The following PRKCB variants were observed in gnomAD, a reference collection of about 807,000 sequenced individuals.
PRKCB encodes the protein protein kinase C beta.
In PRKCB, 13 loss-of-function variants were observed where a neutral mutation model predicts 81.5. The observed-to-expected ratio is 0.16, with a 90% CI of 0.10 to 0.25. PRKCB has a LOEUF of 0.25. Among genes scored for constraint, PRKCB ranks in the 10% least tolerant of loss-of-function variants. PRKCB has a pLI of 1.00. For missense variants in PRKCB, 509 were observed against 875.7 expected (o/e 0.58, Z 5.29); for synonymous variants, 335 against 321.4 (o/e 1.04, Z -0.45).
At chr16:23,980,485 C>A (rs1043564501) in intron 2 of PRKCB, among the ~76,000 whole-genome samples, 1 of 152,212 alleles carries the variant, frequency 6.6e-6, no homozygotes, top group Non-Finnish European at 1.5e-5. Flanking sequence ...TGCACAACAA[C>A]CTTATATACA....
At chr16:24,135,279 C>T (rs1966860998) in intron 9 of PRKCB, among the ~76,000 whole-genome samples, 1 of 149,484 alleles carries the variant, frequency 6.7e-6, no homozygotes, top group Admixed American at 6.7e-5. Context: ...AGAGAGCATT[C>T]CAGAGTTCCA....
rs1261888877 is a variant in PRKCB at position 24,109,542 on chromosome 16, A to G, written c.822-3431A>G. 9.2e-4 allele frequency among the ~76,000 whole-genome samples: 105 copies of G among 114,410 alleles called. 3 individuals are homozygous for G. The highest frequency in any genetic ancestry group is 1.6e-3 in the Non-Finnish European group (94 of 58,398). The allele number at this position is 114,410 out of a possible 152,430, so 75.1% of individuals were successfully genotyped here. ...GGCAGAGACGCTCCTCACTTCCTAGATGTGATGGCCGCCCGGCAGAGGTGC... is the reference window on the plus strand; with the variant it reads ...GGCAGAGACGCTCCTCACTTCCTAGGTGTGATGGCCGCCCGGCAGAGGTGC... On this transcript the variant is annotated intron_variant, in intron 7 of 16. Transcript: ENST00000643927.
At chr16:24,103,446 A>G (rs982150433) in intron 7 of PRKCB, among the ~76,000 whole-genome samples, 2 of 151,950 alleles carry the variant, frequency 1.3e-5, no homozygotes, top group African/African-American at 2.4e-5. Flanking sequence ...CCTTTCTTTC[A>G]GCATAGCTTA....
At chr16:23,943,065 G>T (rs1964157834) in intron 2 of PRKCB, among the ~76,000 whole-genome samples, 1 of 152,210 alleles carries the variant, frequency 6.6e-6, no homozygotes, top group South Asian at 2.1e-4. Context: ...AGAAACAAGA[G>T]GCAATGCCAT....
chr16:24,189,159 C>A (rs1037941558), intron 15 of PRKCB, among the ~76,000 whole-genome samples: 1 of 152,158 alleles, frequency 6.6e-6, no homozygotes, highest in Non-Finnish European at 1.5e-5. Flanking sequence ...CTTAAAAGCC[C>A]AAGTTTTAGA....
At chr16:23,948,396 C>T (rs995330598) in intron 2 of PRKCB, among the ~76,000 whole-genome samples, 1 of 152,008 alleles carries the variant, frequency 6.6e-6, no homozygotes, top group African/African-American at 2.4e-5. Context: ...TGTGTGTTAT[C>T]TCATTGAATT....
At chr16:24,185,375 A>G (rs1967687414) in intron 14 of PRKCB, 85 bp from the exon 15 acceptor site, 1 of 1,333,372 alleles carries the variant, frequency 7.5e-7, no homozygotes, top group Non-Finnish European at 1.1e-6. Context: ...TGTGGGCCCC[A>G]GGGAGGAGGG....
chr16:24,068,995 G>A (rs1466064315), intron 5 of PRKCB, among the ~76,000 whole-genome samples: 1 of 152,180 alleles, frequency 6.6e-6, no homozygotes, highest in Non-Finnish European at 1.5e-5. Flanking sequence ...TTTACCATAT[G>A]CCAGACATTC....
intron 7 of PRKCB, among the ~76,000 whole-genome samples, chr16:24,100,164 T>C (rs1371644251): frequency 1.3e-5 from 2 of 152,152 alleles, no homozygotes; most frequent in East Asian, 1.9e-4. Flanking sequence ...CATTGTTGTA[T>C]ATAAACTCCC....
chr16:24,220,385 C>T lies in PRKCB; in HGVS notation c.*5569C>T. On this transcript the variant is annotated 3_prime_UTR_variant, in exon 17 of 17. Coordinates refer to ENST00000643927, the MANE Select transcript of PRKCB (RefSeq NM_002738.7). The stretch of plus-strand genomic sequence containing the variant: ...AAATGAACAGACAATGTCAAAACTA[C>T]TGTGTCTGATACCAAAATGCTTCAG... 1 of 288,102 alleles carries T rather than the reference C, an allele frequency of 3.5e-6. No individual in the cohort carries two copies. The highest frequency in any genetic ancestry group is 6.4e-6 in the Non-Finnish European group (1 of 155,324). 17.8% of individuals were successfully genotyped at this position (288,102 alleles called of 1,614,324 possible).
intron 3 of PRKCB, among the ~76,000 whole-genome samples, chr16:24,021,075 C>CCTTTCTTTCTTTCTTTCTTTCTTTT (rs1567346868): frequency 1.6e-5 from 2 of 121,988 alleles, no homozygotes; most frequent in Admixed American, 8.2e-5. Flanking sequence ...TCCCTCCCTT[C>CCTTTCTTTCTTTCTTTCTTTCTTTT]TTTCTTTCTT....
chr16:24,138,845 C>CTTTTTTTTTT (rs991952336), intron 9 of PRKCB, among the ~76,000 whole-genome samples: 7 of 78,846 alleles, frequency 8.9e-5, no homozygotes, highest in Non-Finnish European at 9.0e-5. Flanking sequence ...CAGTATTTGT[C>CTTTTTTTTTT]TTTTTTTTTT....
chr16:24,210,057 A>C (rs1006450330), intron 16 of PRKCB, among the ~76,000 whole-genome samples: 6 of 152,178 alleles, frequency 3.9e-5, no homozygotes, highest in Admixed American at 2.6e-4. Context: ...TTGAGGCTGC[A>C]GTGAGCTGTG....
At chr16:23,893,779 C>G (rs1963330634) in intron 2 of PRKCB, 1 of 152,134 alleles carries the variant, frequency 6.6e-6, no homozygotes, top group African/African-American at 2.4e-5. Context: ...GCATAGATTT[C>G]TATTGAACGG....
chr16:23,838,143 C>T (rs549359750), intron 2 of PRKCB, among the ~76,000 whole-genome samples: 29 of 152,322 alleles, frequency 1.9e-4, no homozygotes, highest in African/African-American at 6.7e-4. Flanking sequence ...TGCAAATTGG[C>T]TCTCCAGGAC....
At chr16:23,982,199 C>T (rs1216459778) in intron 2 of PRKCB, among the ~76,000 whole-genome samples, 1 of 33,894 alleles carries the variant, frequency 3.0e-5, no homozygotes, top group African/African-American at 1.3e-4. Context: ...CTCTTCCCTT[C>T]CCCTTCCCTT....
At chr16:23,909,979 A>G (rs1050128285) in intron 2 of PRKCB, among the ~76,000 whole-genome samples, 1 of 152,142 alleles carries the variant, frequency 6.6e-6, no homozygotes, top group Middle Eastern at 3.2e-3. Context: ...GCTTCAACCA[A>G]TTAATCTGTA....
intron 3 of PRKCB, among the ~76,000 whole-genome samples, chr16:24,001,203 G>T (rs570495266): frequency 6.6e-6 from 1 of 152,236 alleles, no homozygotes; most frequent in African/African-American, 2.4e-5. Flanking sequence ...AGGGTCTCTG[G>T]GCAGGCAGTA....
intron 2 of PRKCB, among the ~76,000 whole-genome samples, chr16:23,843,308 C>G (rs1962298268): frequency 6.6e-6 from 1 of 152,060 alleles, no homozygotes; most frequent in Non-Finnish European, 1.5e-5. Context: ...CTCTTTCTTC[C>G]CAGAAGCAGA....
Sources: gnomAD v4.1 joint callset for allele counts (sites outside exome capture counted in the v4.1 genomes callset) on GRCh38, gnomAD v4.1.1 for gene constraint, MANE v1.5 for transcripts, NCBI Gene and HGNC (gene_info 2026-07-23, HGNC 2026-07-21) for gene names.